The following PEAK1 variants were observed in gnomAD, a reference collection of about 807,000 sequenced individuals.
PEAK1 encodes the protein inactive tyrosine-protein kinase PEAK1.
A neutral mutation model predicts 124.7 loss-of-function variants in PEAK1; 54 were observed. That is an observed-to-expected ratio of 0.43 (90% confidence interval 0.35 to 0.54). The LOEUF (loss-of-function observed/expected upper bound fraction) is 0.54. PEAK1 is among the 20% of genes least tolerant of loss of function. The pLI, the probability that PEAK1 is intolerant of heterozygous loss-of-function variation, is 0.01. For synonymous variants in PEAK1, 719 were observed against 760.0 expected (o/e 0.95, Z 0.89); for missense variants, 2,046 against 2,134.5 (o/e 0.96, Z 0.82).
intron 9 of PEAK1, among the ~76,000 whole-genome samples, chr15:77,121,799 A>C (rs2051942560): frequency 6.6e-6 from 1 of 152,214 alleles, no homozygotes; most frequent in Non-Finnish European, 1.5e-5. Flanking sequence ...ATAGTGCCTC[A>C]GTGAACCTTA....
intron 8 of PEAK1, among the ~76,000 whole-genome samples, chr15:77,151,247 A>T (rs937296875): frequency 2.7e-5 from 4 of 150,930 alleles, no homozygotes; most frequent in African/African-American, 9.7e-5. Flanking sequence ...TTTGATTTGC[A>T]TTTCTCTGAT....
At chr15:77,411,149 T>TA (rs34437015) in intron 1 of PEAK1, among the ~76,000 whole-genome samples, 1,450 of 142,878 alleles carry the variant, frequency 0.01, 16 homozygotes, top group African/African-American at 0.031. Flanking sequence ...AAGAAATAGT[T>TA]AAAAAAAAAA....
intron 1 of PEAK1, chr15:77,417,529 A>G (rs2072986505): frequency 1.0e-6 from 1 of 985,064 alleles, no homozygotes; most frequent in Non-Finnish European, 1.2e-6. Flanking sequence ...AACGCTCATC[A>G]CACACATCTG....
At chr15:77,351,045 CT>C in intron 2 of PEAK1, 2 of 707,182 alleles carry the variant, frequency 2.8e-6, no homozygotes, top group Non-Finnish European at 3.5e-6. Flanking sequence ...AAATCAGCCC[CT>C]GCCTTCAGAG....
rs146119660 is a variant in PEAK1 at position 77,353,658 on chromosome 15, A to G, written c.-603+11505T>C. On this transcript the variant is annotated intron_variant, in intron 2 of 9. Coordinates refer to ENST00000682557, the MANE Select transcript of PEAK1 (RefSeq NM_001385026.1). ...TCAAAGCAGAATGTCCAAACTGTCA[A>G]CTGGTTTCTTTTATATGTATAATAT... Among the ~76,000 whole-genome samples the G allele has an allele frequency of 1.3e-3, 203 of 152,364 alleles. 2 individuals carry two copies. The highest frequency in any genetic ancestry group is 4.7e-3 in the African/African-American group (194 of 41,592).
chr15:77,352,038 TA>T, intron 2 of PEAK1: 1 of 870,948 alleles, frequency 1.1e-6, no homozygotes, highest in Non-Finnish European at 1.4e-6. Flanking sequence ...CTGGGTGACA[TA>T]AGGAGACCCC....
At chr15:77,150,203 A>T (rs573749437) in intron 8 of PEAK1, among the ~76,000 whole-genome samples, 15 of 152,154 alleles carry the variant, frequency 9.9e-5, no homozygotes, top group South Asian at 6.2e-4. Flanking sequence ...TTCTTTTTTT[A>T]AAAAAAGGAA....
chr15:77,200,095 C>T (rs548427024), intron 6 of PEAK1, among the ~76,000 whole-genome samples: 1 of 152,300 alleles, frequency 6.6e-6, no homozygotes, highest in East Asian at 1.9e-4. Context: ...GTCTCTTCTG[C>T]CTCTGTCACC....
intron 5 of PEAK1, chr15:77,278,680 T>C (rs1597076066): frequency 1.9e-6 from 1 of 521,638 alleles, no homozygotes; most frequent in Admixed American, 2.0e-5. Flanking sequence ...CTGCAGAAAA[T>C]GGAGATGCCA....
At chr15:77,340,501 TC>T (rs1042694842) in intron 2 of PEAK1, among the ~76,000 whole-genome samples, 5 of 152,230 alleles carry the variant, frequency 3.3e-5, no homozygotes, top group Admixed American at 6.5e-5. Context: ...AGATGACTTT[TC>T]CAGCAGTGAA....
Position 77,412,933 on chromosome 15 carries a change from T to C in PEAK1, c.-666+7073A>G, listed in dbSNP as rs557150488. ...ATCCCAAGGGCCAAAACTGGAATAA[T>C]TTGAGCAACAAAATAATGATAGCAT... On this transcript the variant is annotated intron_variant, in intron 1 of 9. Transcript: ENST00000682557. 2.2e-4 allele frequency among the ~76,000 whole-genome samples: 34 copies of C among 152,168 alleles called. 2 individuals carry two copies. The South Asian group carries it at 7.1e-3, about 32-fold the overall frequency.
intron 1 of PEAK1, among the ~76,000 whole-genome samples, chr15:77,389,563 A>G (rs952275744): frequency 4.3e-4 from 66 of 152,314 alleles, no homozygotes; most frequent in African/African-American, 1.6e-3. Context: ...TTATTATGAA[A>G]GTAATTATCT....
intron 7 of PEAK1, among the ~76,000 whole-genome samples, chr15:77,174,879 G>A (rs2056750284): frequency 6.6e-6 from 1 of 152,032 alleles, no homozygotes; most frequent in Non-Finnish European, 1.5e-5. Flanking sequence ...AACCAAAACA[G>A]CATGGTACTG....
At chr15:77,161,097 G>GA (rs1437061386) in intron 7 of PEAK1, among the ~76,000 whole-genome samples, 3 of 152,124 alleles carry the variant, frequency 2.0e-5, no homozygotes, top group Non-Finnish European at 4.4e-5. Flanking sequence ...TTAAAAGCAA[G>GA]AAATATTAGA....
chr15:77,405,240 G>A (rs187006883), intron 1 of PEAK1, among the ~76,000 whole-genome samples: 6 of 152,106 alleles, frequency 3.9e-5, no homozygotes, highest in Admixed American at 1.3e-4. Flanking sequence ...TTCTGACCTC[G>A]TGATCTGCCC....
At chr15:77,269,613 G>T (rs978847025) in intron 5 of PEAK1, among the ~76,000 whole-genome samples, 3 of 152,008 alleles carry the variant, frequency 2.0e-5, no homozygotes, top group African/African-American at 7.2e-5. Flanking sequence ...AGGTAATCAA[G>T]ACAAAAAGTC....
intron 6 of PEAK1, among the ~76,000 whole-genome samples, chr15:77,202,322 C>T (rs746723835): frequency 2.6e-4 from 39 of 152,154 alleles, no homozygotes; most frequent in Non-Finnish European, 4.4e-5. Flanking sequence ...TTTTGACTAC[C>T]ACAGAACCTA....
intron 2 of PEAK1, chr15:77,333,462 T>A (rs1452531038): frequency 1.1e-6 from 1 of 913,162 alleles, no homozygotes; most frequent in Non-Finnish European, 1.3e-6. Flanking sequence ...AACAACTATA[T>A]AAGCTTATCT....
chr15:77,337,672 A>T, intron 2 of PEAK1: 3 of 985,410 alleles, frequency 3.0e-6, no homozygotes, highest in Non-Finnish European at 3.6e-6. Flanking sequence ...CATATGCAAA[A>T]AATTAACCCG....
Sources: gnomAD v4.1 joint callset for allele counts (sites outside exome capture counted in the v4.1 genomes callset) on GRCh38, gnomAD v4.1.1 for gene constraint, MANE v1.5 for transcripts, NCBI Gene and HGNC (gene_info 2026-07-23, HGNC 2026-07-21) for gene names.